The following DDX10 variants were observed in gnomAD, a reference collection of about 807,000 sequenced individuals.
DDX10 encodes the protein probable ATP-dependent RNA helicase DDX10.
DDX10 carries 74 observed loss-of-function variants against 104.3 expected under a neutral mutation model. The observed-to-expected ratio is 0.71, with a 90% CI of 0.59 to 0.86. The LOEUF is 0.86. Ranked by LOEUF, DDX10 falls within the 40% of genes least tolerant of loss-of-function variation. The pLI is 0.00. For synonymous variants in DDX10, 351 were observed against 353.4 expected, an observed-to-expected ratio of 0.99 and a Z score of 0.08; for missense variants, 952 against 1,040.0, an observed-to-expected ratio of 0.92 and a Z score of 1.16.
At chr11:108,920,510 A>T (rs1297232635) in intron 17 of DDX10, 1 of 152,200 alleles carries the variant, frequency 6.6e-6, no homozygotes, top group East Asian at 1.9e-4. Flanking sequence ...GTGAACACAG[A>T]GATTGTCTAA....
At chr11:108,673,169 T>C (rs1164300424) in intron 1 of DDX10, among the ~76,000 whole-genome samples, 1 of 152,174 alleles carries the variant, frequency 6.6e-6, no homozygotes, top group East Asian at 1.9e-4. Flanking sequence ...ATTGATGTGG[T>C]TGGTGATGCT....
chr11:108,776,963 A>C (rs1444476884), intron 13 of DDX10, among the ~76,000 whole-genome samples: 1 of 152,186 alleles, frequency 6.6e-6, no homozygotes, highest in Non-Finnish European at 1.5e-5. Flanking sequence ...TTGATTTCAG[A>C]CTTGTGATAA....
At chr11:108,935,607 G>A (rs1864026496) in intron 17 of DDX10, among the ~76,000 whole-genome samples, 1 of 151,970 alleles carries the variant, frequency 6.6e-6, no homozygotes, top group African/African-American at 2.4e-5. Context: ...TTGAGGGGAG[G>A]TGGGCATGGA....
chr11:108,814,053 C>T lies in DDX10; in HGVS notation c.1966-24393C>T, dbSNP rs1591825290. On this transcript the variant is annotated intron_variant, in intron 13 of 17. Coordinates refer to ENST00000322536, the MANE Select transcript of DDX10 (RefSeq NM_004398.4). ...TGGTGGTGTCAATTTGGGCAATCCA[C>T]TGTAAGGGTTTATTTTATTCTGGAA... is the stretch of plus-strand genomic sequence containing the variant. Among the ~76,000 whole-genome samples the T allele has an allele frequency of 3.3e-5, 5 of 152,278 alleles. No individual in the cohort carries two copies. In the South Asian group the frequency reaches 8.3e-4, roughly 25 times the overall value.
rs371733323 is a variant in DDX10, at chr11:108,677,191, G to T, written c.485G>T (p.Arg162Leu). Residue 162 changes from arginine (R) to leucine (L), a missense_variant, in exon 4 of 18, where the codon CGA becomes CTA. Physicochemically the swap from Arg to Leu is moderately radical, Grantham distance 102. Around this residue, in one of 3 missense-constraint regions of DDX10, gnomAD observed 412 missense variants for 479.2 expected, o/e 0.86. Coordinates refer to ENST00000322536, the MANE Select transcript of DDX10 (RefSeq NM_004398.4). Reference sequence around the variant, plus strand: ...GCCTATCAGACCTTTGAGGTTCTCCGAAAAGTAGGAAAGAATCATGACTTC... The same window carrying T: ...GCCTATCAGACCTTTGAGGTTCTCCTAAAAGTAGGAAAGAATCATGACTTC... ...ELAYQTFEVL[R>L]KVGKNHDFSA... 3.1e-6 allele frequency: 5 copies of T among 1,613,860 alleles called. No individual in the cohort carries two copies. Among genetic ancestry groups the T allele is most frequent in the Admixed American group, 1.7e-5 (1 of 59,992 alleles).
At chr11:108,677,321 C>T in intron 4 of DDX10, 78 bp downstream of exon 4, 1 of 1,327,698 alleles carries the variant, frequency 7.5e-7, no homozygotes, top group Non-Finnish European at 1.0e-6. Flanking sequence ...AGGGAGGCAG[C>T]AGAGACTTCA....
intron 13 of DDX10, among the ~76,000 whole-genome samples, chr11:108,753,685 A>G (rs2094341163): frequency 6.6e-6 from 1 of 152,052 alleles, no homozygotes; most frequent in Admixed American, 6.6e-5. Context: ...ATAATTGAAA[A>G]GCATCACGAA....
chr11:108,763,680 A>C (rs1437754872), intron 13 of DDX10, among the ~76,000 whole-genome samples: 2 of 152,192 alleles, frequency 1.3e-5, no homozygotes, highest in African/African-American at 4.8e-5. Context: ...GACTTTCTTA[A>C]TTGAATCTTT....
At chr11:108,677,407 T>A (rs1021339357) in intron 4 of DDX10, among the ~76,000 whole-genome samples, 164 bp downstream of exon 4, 1 of 152,092 alleles carries the variant, frequency 6.6e-6, no homozygotes, top group Non-Finnish European at 1.5e-5. Context: ...TACGATCTGG[T>A]TGCCAATTTT....
intron 15 of DDX10, among the ~76,000 whole-genome samples, chr11:108,842,651 G>C (rs1862656363): frequency 6.6e-6 from 1 of 152,188 alleles, no homozygotes; most frequent in South Asian, 2.1e-4. Context: ...GAAACGTACT[G>C]GTTGTAATTG....
chr11:108,798,275 T>A (rs1194277840), intron 13 of DDX10, among the ~76,000 whole-genome samples: 1 of 152,224 alleles, frequency 6.6e-6, no homozygotes, highest in Non-Finnish European at 1.5e-5. Context: ...TTTTCTGATC[T>A]TTTCTGTTAA....
intron 13 of DDX10, among the ~76,000 whole-genome samples, chr11:108,751,724 A>G (rs1407909221): frequency 6.6e-6 from 1 of 152,166 alleles, no homozygotes; most frequent in Non-Finnish European, 1.5e-5. Flanking sequence ...TCGATAACCT[A>G]ATAACTAGTT....
chr11:108,858,991 C>A (rs1484049460), intron 16 of DDX10, among the ~76,000 whole-genome samples: 2 of 152,170 alleles, frequency 1.3e-5, no homozygotes, highest in East Asian at 3.9e-4. Context: ...GTGGATCCTG[C>A]TAAAATGTCT....
chr11:108,714,350 C>G (rs1251337936), intron 10 of DDX10, among the ~76,000 whole-genome samples: 1 of 150,844 alleles, frequency 6.6e-6, no homozygotes, highest in Non-Finnish European at 1.5e-5. Context: ...TCCCTGTACT[C>G]ACCTCTCTCT....
intron 13 of DDX10, among the ~76,000 whole-genome samples, chr11:108,802,067 G>T (rs1437637898): frequency 6.6e-6 from 1 of 151,288 alleles, no homozygotes; most frequent in African/African-American, 2.4e-5. Context: ...TGATCAGGTG[G>T]AACCCATCAC....
chr11:108,748,267 A>T (rs1167644374), intron 13 of DDX10, among the ~76,000 whole-genome samples: 1 of 152,194 alleles, frequency 6.6e-6, no homozygotes, highest in Non-Finnish European at 1.5e-5. Context: ...TCTGTCAGAG[A>T]ATGAGCGGAG....
intron 17 of DDX10, among the ~76,000 whole-genome samples, chr11:108,934,859 G>C (rs1251120048): frequency 2.0e-5 from 3 of 152,194 alleles, no homozygotes; most frequent in Non-Finnish European, 2.9e-5. Flanking sequence ...TTAGTCAGCA[G>C]ACAGGAGCCT....
At chr11:108,814,796 C>T (rs1332119186) in intron 13 of DDX10, among the ~76,000 whole-genome samples, 2 of 152,136 alleles carry the variant, frequency 1.3e-5, no homozygotes, top group African/African-American at 4.8e-5. Flanking sequence ...TAAGTGAAAT[C>T]AGCTAATATT....
chr11:108,905,313 G>GGC, intron 16 of DDX10, among the ~76,000 whole-genome samples: 1 of 22,426 alleles, frequency 4.5e-5, no homozygotes, highest in South Asian at 1.7e-3. Flanking sequence ...GATTGTTTAA[G>GGC]GGGGGGGGGG....
Sources: allele counts gnomAD v4.1 joint callset (sites outside exome capture counted in the v4.1 genomes callset), GRCh38; gene constraint gnomAD v4.1.1; regional missense constraint gnomAD v4.1.1; transcripts MANE v1.5; gene names NCBI Gene and HGNC (gene_info 2026-07-23, HGNC 2026-07-21).